The following ARID3B variants were observed in gnomAD, a reference collection of about 807,000 sequenced individuals.
ARID3B encodes AT-rich interaction domain 3B.
ARID3B carries 10 observed loss-of-function variants against 51.9 expected under a neutral mutation model. The ratio of observed to expected loss-of-function variants is 0.19; its 90% CI spans 0.12 to 0.33. ARID3B has a LOEUF of 0.33. Ranked by LOEUF, ARID3B falls within the 10% of genes least tolerant of loss-of-function variation. The pLI is 1.00. For missense variants in ARID3B, 483 were observed against 716.3 expected (o/e 0.67, Z 3.72); for synonymous variants, 205 against 279.5 (o/e 0.73, Z 2.66).
rs1025235135 is a variant in ARID3B at position 74,559,509 on chromosome 15, C to T, written c.553-13353C>T. Among the ~76,000 whole-genome samples the T allele has an allele frequency of 3.3e-5, 5 of 152,120 alleles. 1 individual carries two copies. The South Asian group carries it at 6.2e-4, about 19-fold the overall frequency. ...CCTTATTTCATTTCATTGTGTGAGG[C>T]AGGTCCTAATATTATCCCCTTTATG... On this transcript the variant is annotated intron_variant, in intron 2 of 8. Coordinates refer to ENST00000346246, the MANE Select transcript of ARID3B (RefSeq NM_006465.4).
chr15:74,593,330 C>A (rs878949019), intron 8 of ARID3B, 94 bp downstream of exon 8: 1 of 1,143,272 alleles, frequency 8.7e-7, no homozygotes, highest in Non-Finnish European at 1.3e-6. Context: ...TCTGTCTGAA[C>A]ACCTCCCACA....
chr15:74,550,468 G>A (rs770029490), intron 2 of ARID3B, among the ~76,000 whole-genome samples: 16 of 152,078 alleles, frequency 1.1e-4, no homozygotes, highest in Non-Finnish European at 1.9e-4. Context: ...GGAGGCAGGC[G>A]GATCACGAGG....
intron 1 of ARID3B, among the ~76,000 whole-genome samples, chr15:74,543,285 A>C (rs183840848): frequency 6.6e-6 from 1 of 152,272 alleles, no homozygotes; most frequent in Admixed American, 6.5e-5. Flanking sequence ...GGAAATTTGA[A>C]AAGCTTAGAC....
At position 74,597,550 on chromosome 15, in the gene ARID3B, G is replaced by A. The variant is rs1337403724; in HGVS notation, c.*1776G>A. 2 of 535,804 alleles carry A rather than the reference G, an allele frequency of 3.7e-6. No individual in the cohort carries two copies. Among genetic ancestry groups the A allele is most frequent in the South Asian group, 3.1e-5 (2 of 65,172 alleles). 33.2% of individuals were successfully genotyped at this position (535,804 alleles called of 1,614,324 possible). A position where few individuals can be genotyped will look rare whatever the true frequency, so the allele number is the denominator to read the frequency against. ...ACACATACCCCATCTCCCGAGGGCTGACCTCCTCTGGCCTCAGCCTGCAGG... is the reference window on the plus strand; with the variant it reads ...ACACATACCCCATCTCCCGAGGGCTAACCTCCTCTGGCCTCAGCCTGCAGG... On this transcript the variant is annotated 3_prime_UTR_variant, in exon 9 of 9. Coordinates refer to ENST00000346246, the MANE Select transcript of ARID3B (RefSeq NM_006465.4).
chr15:74,595,730 C>T lies in ARID3B; in HGVS notation c.1639C>T (p.Arg547Trp), dbSNP rs757748167. 5.8e-5 allele frequency: 94 copies of T among 1,611,976 alleles called. No individual in the cohort carries two copies. The highest frequency in any genetic ancestry group is 7.3e-5 in the Non-Finnish European group (86 of 1,178,720). The stretch of plus-strand genomic sequence containing the variant: ...CTGTTCACCAAGTCCTACCTCATCC[C>T]GGGGCACCCCCAGCGCAGAGCCCTC... Reference protein sequence around the residue: ...SHCSPSPTSSRGTPSAEPSTS... With the variant: ...SHCSPSPTSSWGTPSAEPSTS... The change falls in exon 9 of 9, where the codon CGG (arginine) becomes TGG (tryptophan). Residue 547 changes from arginine (R) to tryptophan (W), a missense_variant. Around this residue, in one of 3 missense-constraint regions of ARID3B, gnomAD observed 265 missense variants for 354.4 expected, o/e 0.75. Coordinates refer to ENST00000346246, the MANE Select transcript of ARID3B (RefSeq NM_006465.4).
At chr15:74,581,487 G>A (rs927309473) in intron 4 of ARID3B, among the ~76,000 whole-genome samples, 4 of 152,136 alleles carry the variant, frequency 2.6e-5, no homozygotes, top group African/African-American at 7.2e-5. Context: ...TTTTTCAGAC[G>A]ATATAGGCTT....
At chr15:74,563,260 C>A (rs1375471044) in intron 2 of ARID3B, among the ~76,000 whole-genome samples, 1 of 152,150 alleles carries the variant, frequency 6.6e-6, no homozygotes, top group African/African-American at 2.4e-5. Context: ...CATAGTAGCA[C>A]CCCAGGATGG....
At chr15:74,563,927 G>A (rs1049153689) in intron 2 of ARID3B, among the ~76,000 whole-genome samples, 26 of 152,120 alleles carry the variant, frequency 1.7e-4, no homozygotes, top group Non-Finnish European at 2.9e-5. Flanking sequence ...GGAAAGGTGG[G>A]ACCGCTGCCC....
At chr15:74,559,962 G>A (rs2061673019) in intron 2 of ARID3B, among the ~76,000 whole-genome samples, 1 of 145,094 alleles carries the variant, frequency 6.9e-6, no homozygotes, top group African/African-American at 2.6e-5. Flanking sequence ...GGAAGGCCAA[G>A]GCAGGTGGAT....
intron 4 of ARID3B, 85 bp downstream of exon 4, chr15:74,573,289 C>A: frequency 7.2e-7 from 1 of 1,394,566 alleles, no homozygotes; most frequent in Non-Finnish European, 1.0e-6. Flanking sequence ...GACATCCTGG[C>A]CCACTAATCC....
chr15:74,541,628 T>C (rs2061595579), intron 1 of ARID3B, among the ~76,000 whole-genome samples: 1 of 121,286 alleles, frequency 8.2e-6, no homozygotes, highest in Non-Finnish European at 1.7e-5. Flanking sequence ...GCGGATTGGC[T>C]GGGAGGGTTG....
Position 74,544,500 on chromosome 15 carries a change from T to C in ARID3B, c.552+12T>C. ...AGCAGCTCAAGCAGGTCAGTCTTTC[T>C]GGTATTGTAGGTCATTTGGTCTTCC... On this transcript the variant is annotated intron_variant, in intron 2 of 8. Transcript: ENST00000346246. 1 of 1,607,350 alleles carries C rather than the reference T, an allele frequency of 6.2e-7. No homozygotes were observed. The highest frequency in any genetic ancestry group is 1.3e-5 in the African/African-American group (1 of 74,656).
chr15:74,592,512 G>A (rs569105514), intron 7 of ARID3B, among the ~76,000 whole-genome samples: 3 of 152,332 alleles, frequency 2.0e-5, no homozygotes, highest in African/African-American at 7.2e-5. Flanking sequence ...GGGACCAGAA[G>A]GAAACTGGGA....
chr15:74,574,398 A>C (rs1203704936), intron 4 of ARID3B: 1 of 152,204 alleles, frequency 6.6e-6, no homozygotes, highest in African/African-American at 2.4e-5. Flanking sequence ...CAACAACTTT[A>C]TTGAGACCTA....
chr15:74,597,999 A>G lies in ARID3B; in HGVS notation c.*2225A>G, dbSNP rs1284035580. On this transcript the variant is annotated 3_prime_UTR_variant, in exon 9 of 9. Transcript: ENST00000346246. The stretch of plus-strand genomic sequence containing the variant: ...TTCTAACCAGGAAAAATGTGATAGC[A>G]CATGGGTAGCCTAGGCAGTGAGTAA... 4 of 531,728 alleles carry G rather than the reference A, an allele frequency of 7.5e-6. No individual in the cohort carries two copies. The Admixed American group carries it at 8.9e-5, about 12-fold the overall frequency. 32.9% of individuals were successfully genotyped at this position (531,728 alleles called of 1,614,324 possible).
At chr15:74,583,294 G>A (rs2061768563) in intron 4 of ARID3B, among the ~76,000 whole-genome samples, 2 of 152,172 alleles carry the variant, frequency 1.3e-5, no homozygotes, top group African/African-American at 4.8e-5. Context: ...TATATACTAT[G>A]TGAGTCCATT....
intron 4 of ARID3B, among the ~76,000 whole-genome samples, chr15:74,581,432 G>A (rs752023950): frequency 9.2e-5 from 14 of 152,142 alleles, no homozygotes; most frequent in Non-Finnish European, 1.9e-4. Flanking sequence ...ACCATAAATG[G>A]TCTGTGCCCT....
rs1266561344 is a variant in ARID3B at position 74,597,584 on chromosome 15, A to G, written c.*1810A>G. On this transcript the variant is annotated 3_prime_UTR_variant, in exon 9 of 9. Transcript: ENST00000346246. ...TGGCCTCAGCCTGCAGGGTGTGGGC[A>G]GAGAAGGGCATCTGGGACGTGGTGC... The G allele has an allele frequency of 3.7e-6, 2 of 535,218 alleles. No homozygotes were observed. Among genetic ancestry groups the G allele is most frequent in the African/African-American group, 3.7e-5 (2 of 53,806 alleles). 33.2% of individuals were successfully genotyped at this position (535,218 alleles called of 1,614,324 possible).
intron 2 of ARID3B, among the ~76,000 whole-genome samples, chr15:74,567,173 C>CTT (rs750758095): frequency 8.1e-4 from 124 of 152,292 alleles, no homozygotes; most frequent in African/African-American, 2.9e-3. Flanking sequence ...CCCCTTTCAA[C>CTT]TTTAACTATT....
Sources: allele counts gnomAD v4.1 joint callset (sites outside exome capture counted in the v4.1 genomes callset), GRCh38; gene constraint gnomAD v4.1.1; regional missense constraint gnomAD v4.1.1; transcripts MANE v1.5; gene names NCBI Gene and HGNC (gene_info 2026-07-23, HGNC 2026-07-21).